Variants in DHX29 observed in about 807,000 individuals in gnomAD.
The protein encoded by DHX29 is ATP-dependent RNA helicase DHX29.
In DHX29, 79 loss-of-function variants were observed where a neutral mutation model predicts 167.9. That is an observed-to-expected ratio of 0.47 (90% confidence interval 0.39 to 0.57). The LOEUF (loss-of-function observed/expected upper bound fraction) is 0.57, where lower values mean the gene tolerates loss of function less well. Among genes scored for constraint, DHX29 ranks in the 20% least tolerant of loss-of-function variants. DHX29 has a pLI of 0.00. For synonymous variants in DHX29, 530 were observed against 546.0 expected, an observed-to-expected ratio of 0.97 and a Z score of 0.41; for missense variants, 1,347 against 1,593.4, an observed-to-expected ratio of 0.85 and a Z score of 2.63.
intron 26 of DHX29, 59 bp from the exon 27 acceptor site, chr5:55,256,599 G>A: frequency 6.7e-7 from 1 of 1,498,730 alleles, no homozygotes. Context: ...ATTTTCCAAG[G>A]TATGCACATG....
chr5:55,267,071 C>CT, intron 23 of DHX29, 67 bp downstream of exon 23: 2 of 1,070,954 alleles, frequency 1.9e-6, no homozygotes, highest in South Asian at 1.5e-5. Flanking sequence ...CCTAGGCATT[C>CT]TTTTTTCCAG....
intron 4 of DHX29, 45 bp downstream of exon 4, chr5:55,296,175 C>T (rs1295776684): frequency 7.7e-6 from 12 of 1,560,282 alleles, no homozygotes; most frequent in Non-Finnish European, 1.0e-5. Flanking sequence ...ACCAAAACTA[C>T]TTCAAAAGGT....
chr5:55,285,484 C>T, intron 9 of DHX29, 68 bp from the exon 10 acceptor site: 2 of 1,451,110 alleles, frequency 1.4e-6, no homozygotes, highest in Non-Finnish European at 1.9e-6. Flanking sequence ...ACTCAGAATT[C>T]CATTAACATT....
intron 22 of DHX29, 42 bp from the exon 23 acceptor site, chr5:55,267,273 G>T: frequency 6.8e-7 from 1 of 1,462,784 alleles, no homozygotes; most frequent in Non-Finnish European, 9.5e-7. Context: ...AGTTCACCAT[G>T]TTCTCTTTCC....
At chr5:55,260,377 G>A (rs1746255970) in intron 25 of DHX29, among the ~76,000 whole-genome samples, 1 of 151,984 alleles carries the variant, frequency 6.6e-6, no homozygotes, top group South Asian at 2.1e-4. Flanking sequence ...GATTACAGGT[G>A]CCTGCCACCA....
rs968683167 is a variant in DHX29, at chr5:55,297,340, T to C, written c.320A>G (p.Lys107Arg). Residue 107 changes from lysine (K) to arginine (R), a missense_variant, in exon 3 of 27, where the codon AAG (lysine) becomes AGG (arginine). This residue lies in a region of DHX29 where 405 missense variants were observed against 416.8 expected (regional missense o/e 0.97). Transcript: ENST00000251636. ...AATCATTCCTTTGTCATTATTTTGC[T>C]TTTTATGCTCATTGATCACTCCAAT... The part of the protein sequence containing the change: ...RIIGVINEHK[K>R]QNNDKGMISG... 2.1e-5 allele frequency: 33 copies of C among 1,601,386 alleles called. No individual in the cohort carries two copies. Among genetic ancestry groups the C allele is most frequent in the Non-Finnish European group, 2.6e-5 (31 of 1,169,824 alleles).
intron 1 of DHX29, among the ~76,000 whole-genome samples, chr5:55,306,409 ACATTTCCAGACAC>A (rs1250023654): frequency 6.6e-6 from 1 of 152,164 alleles, no homozygotes; most frequent in South Asian, 2.1e-4. Flanking sequence ...CTTAACTGTT[ACATTTCCAGACAC>A]CATCCATGAT....
At position 55,306,885 on chromosome 5, in the gene DHX29, A is replaced by G. The variant is rs76261671; in HGVS notation, c.187+502T>C. Among the ~76,000 whole-genome samples the G allele has an allele frequency of 7.4e-3, 1,133 of 152,326 alleles. 11 individuals carry two copies. Among genetic ancestry groups the G allele is most frequent in the Middle Eastern group, 0.024 (7 of 294 alleles). ...ACGAGGGCAGACAATTTTACAATAG[A>G]TTACACGTAACCAGTGTGTAACCAG... On this transcript the variant is annotated intron_variant, in intron 1 of 26. Transcript: ENST00000251636.
At chr5:55,307,311 G>T (rs1322438678) in intron 1 of DHX29, 76 bp downstream of exon 1, 9 of 1,291,912 alleles carry the variant, frequency 7.0e-6, no homozygotes, top group Middle Eastern at 1.9e-4. Context: ...GCTCCTCCCG[G>T]GTTCTAAGGC....
At position 55,292,783 on chromosome 5, in the gene DHX29, A is replaced by AC. The variant is rs145732589; in HGVS notation, c.780+1233dup. Among the ~76,000 whole-genome samples, 445 of 152,204 alleles carry AC rather than the reference A, an allele frequency of 2.9e-3. 1 individual carries two copies. Among genetic ancestry groups the AC allele is most frequent in the African/African-American group, 0.01 (425 of 41,514 alleles). ...TGTACCCTTGTTCACACTATTTCAC[A>AC]CATGTGGACCATCTTCCCATCTTTC... On this transcript the variant is annotated intron_variant, in intron 6 of 26. Coordinates refer to ENST00000251636, the MANE Select transcript of DHX29 (RefSeq NM_019030.4).
intron 26 of DHX29, 70 bp from the exon 27 acceptor site, chr5:55,256,610 T>C: frequency 1.4e-6 from 2 of 1,449,428 alleles, no homozygotes; most frequent in Non-Finnish European, 1.9e-6. Context: ...TATGCACATG[T>C]AAATAAGAGG....
At chr5:55,282,697 T>G (rs562750725) in intron 11 of DHX29, among the ~76,000 whole-genome samples, 9 of 152,350 alleles carry the variant, frequency 5.9e-5, no homozygotes, top group Non-Finnish European at 8.8e-5. Context: ...TTGCATATAC[T>G]TGCATGGCAA....
At position 55,284,036 on chromosome 5, in the gene DHX29, A is replaced by G. The variant is rs548041577; in HGVS notation, c.1357-225T>C. On this transcript the variant is annotated intron_variant, in intron 10 of 26. Coordinates refer to ENST00000251636, the MANE Select transcript of DHX29 (RefSeq NM_019030.4). ...ACTCAAATTATTATTACTTTAATATATGTATGTGTATGATGCAAATTCAAA... is the reference window on the plus strand; with the variant it reads ...ACTCAAATTATTATTACTTTAATATGTGTATGTGTATGATGCAAATTCAAA... Among the ~76,000 whole-genome samples the G allele has an allele frequency of 2.6e-5, 4 of 152,320 alleles. No individual in the cohort carries two copies. In the East Asian group the frequency reaches 5.8e-4, roughly 22 times the overall value.
intron 6 of DHX29, among the ~76,000 whole-genome samples, chr5:55,291,895 T>C (rs1285512870): frequency 6.6e-6 from 1 of 152,216 alleles, no homozygotes; most frequent in East Asian, 1.9e-4. Flanking sequence ...TTGATGTGCA[T>C]GCCACATTTT....
At chr5:55,287,175 G>T (rs534831216) in intron 8 of DHX29, among the ~76,000 whole-genome samples, 2 of 152,258 alleles carry the variant, frequency 1.3e-5, no homozygotes, top group East Asian at 3.9e-4. Context: ...GGCATGGTGG[G>T]TCACACCGGT....
At chr5:55,259,402 C>T (rs748753567) in intron 26 of DHX29, among the ~76,000 whole-genome samples, 2 of 152,000 alleles carry the variant, frequency 1.3e-5, no homozygotes, top group Non-Finnish European at 2.9e-5. Flanking sequence ...TTAGTATACT[C>T]CAATGTTACA....
chr5:55,307,333 G>A lies in DHX29; in HGVS notation c.187+54C>T, dbSNP rs549649164. ...CCGGGTTCTAAGGCCCTTTCCTCAG[G>A]ACAAGCAGCAAGGTCTCAGGGCAGA... On this transcript the variant is annotated intron_variant, in intron 1 of 26. Transcript: ENST00000251636. 3.3e-6 allele frequency: 5 copies of A among 1,511,726 alleles called. No individual in the cohort carries two copies. The Admixed American group carries it at 9.9e-5, about 30-fold the overall frequency. 93.6% of individuals were successfully genotyped at this position (1,511,726 alleles called of 1,614,324 possible).
chr5:55,273,953 G>A (rs1230161273), intron 16 of DHX29, among the ~76,000 whole-genome samples: 1 of 152,068 alleles, frequency 6.6e-6, no homozygotes, highest in Non-Finnish European at 1.5e-5. Flanking sequence ...TGGGCGTGGT[G>A]GCATGCGGCT....
At chr5:55,284,795 A>T (rs925097113) in intron 10 of DHX29, among the ~76,000 whole-genome samples, 11 of 152,226 alleles carry the variant, frequency 7.2e-5, no homozygotes, top group Non-Finnish European at 1.3e-4. Flanking sequence ...TGAGCGAGAC[A>T]ATATAACATT....
Sources: allele counts gnomAD v4.1 joint callset (sites outside exome capture counted in the v4.1 genomes callset), GRCh38; gene constraint gnomAD v4.1.1; regional missense constraint gnomAD v4.1.1; transcripts MANE v1.5; gene names NCBI Gene and HGNC (gene_info 2026-07-23, HGNC 2026-07-21).